JAK2: variants seen among roughly 807,000 people sequenced by gnomAD.
JAK2 encodes the protein tyrosine-protein kinase JAK2.
JAK2 carries 86 observed loss-of-function variants against 139.3 expected under a neutral mutation model. That is an observed-to-expected ratio of 0.62 (90% CI 0.52 to 0.74). JAK2 has a LOEUF of 0.74. Ranked by LOEUF, JAK2 falls within the 30% of genes least tolerant of loss-of-function variation. The pLI, the probability that JAK2 is intolerant of heterozygous loss-of-function variation, is 0.00. For synonymous variants in JAK2, 490 were observed against 437.7 expected, an observed-to-expected ratio of 1.12 and a Z score of -1.49; for missense variants, 1,421 against 1,360.3, an observed-to-expected ratio of 1.04 and a Z score of -0.70.
chr9:5,068,399 T>C (rs1563972632), intron 10 of JAK2, among the ~76,000 whole-genome samples: 1 of 152,088 alleles, frequency 6.6e-6, no homozygotes, highest in Non-Finnish European at 1.5e-5. Flanking sequence ...AATACAATGG[T>C]GGTGCAGTGG....
In JAK2 at chr9:5,096,499, G is replaced by A. The variant is rs183057829; in HGVS notation, c.3059+5588G>A. Reference sequence around the variant, plus strand: ...TTCAATCTACTTCTCCCTCCATGTGGGGGGAGGGTGGTAGGCCGGAGAAGC... The same window carrying A: ...TTCAATCTACTTCTCCCTCCATGTGAGGGGAGGGTGGTAGGCCGGAGAAGC... On this transcript the variant is annotated intron_variant, in intron 22 of 24. Transcript: ENST00000381652. 7.9e-5 allele frequency among the ~76,000 whole-genome samples: 12 copies of A among 152,278 alleles called. No individual in the cohort carries two copies. The East Asian group carries it at 2.1e-3, about 27-fold the overall frequency.
intron 22 of JAK2, chr9:5,111,927 C>T (rs1236206359): frequency 8.6e-6 from 3 of 350,234 alleles, no homozygotes; most frequent in Admixed American, 7.2e-5. Flanking sequence ...AATCTACTCT[C>T]CGGATCACTC....
chr9:5,024,420 T>C (rs576474363), intron 3 of JAK2, among the ~76,000 whole-genome samples: 1 of 152,274 alleles, frequency 6.6e-6, no homozygotes, highest in Non-Finnish European at 1.5e-5. Context: ...TGGCTCTGTG[T>C]TGGGGCTCTC....
At chr9:5,108,001 A>G (rs1008798181) in intron 22 of JAK2, 3 of 152,128 alleles carry the variant, frequency 2.0e-5, no homozygotes, top group Admixed American at 1.3e-4. Flanking sequence ...CTGAATTAAC[A>G]TGACCATCCA....
rs370846284 is a variant in JAK2 at position 5,111,164 on chromosome 9, A to G, written c.3060-11840A>G. The G allele has an allele frequency of 2.8e-5, 21 of 763,464 alleles. No individual in the cohort carries two copies. The African/African-American group carries it at 2.8e-4, about 10-fold the overall frequency. The allele number at this position is 763,464 out of a possible 1,614,324, so 47.3% of individuals were successfully genotyped here. A position where few individuals can be genotyped will look rare whatever the true frequency, so the allele number is the denominator to read the frequency against. ...GAAGGCGCTCAACTTGCTGAGTCGC[A>G]CGGCAGCCACTCTCCATTCACATTC... On this transcript the variant is annotated intron_variant, in intron 22 of 24. Coordinates refer to ENST00000381652, the MANE Select transcript of JAK2 (RefSeq NM_004972.4).
intron 2 of JAK2, among the ~76,000 whole-genome samples, chr9:5,010,968 T>A (rs1263500514): frequency 6.6e-6 from 1 of 152,244 alleles, no homozygotes; most frequent in East Asian, 1.9e-4. Context: ...TCTTCTGGCC[T>A]CCATTACTTC....
chr9:5,092,619 G>T (rs1332502637), intron 22 of JAK2, among the ~76,000 whole-genome samples: 6 of 152,154 alleles, frequency 3.9e-5, no homozygotes, highest in South Asian at 4.1e-4. Context: ...AAAGAACTGA[G>T]CAAAGACAAG....
chr9:5,024,215 CACT>C (rs2130097494), intron 3 of JAK2, among the ~76,000 whole-genome samples: 1 of 152,234 alleles, frequency 6.6e-6, no homozygotes, highest in Admixed American at 6.5e-5. Flanking sequence ...GAGATTGCGC[CACT>C]GCACTCCAGC....
At chr9:5,005,013 C>A (rs552336736) in intron 2 of JAK2, among the ~76,000 whole-genome samples, 1 of 145,802 alleles carries the variant, frequency 6.9e-6, no homozygotes, top group Non-Finnish European at 1.5e-5. Flanking sequence ...ACCTCCCAAG[C>A]GCAAGTGATC....
chr9:5,022,076 A>G lies in JAK2; in HGVS notation c.89A>G (p.Asn30Ser). The G allele has an allele frequency of 5.0e-6, 8 of 1,614,106 alleles. No individual in the cohort carries two copies. The highest frequency in any genetic ancestry group is 2.2e-5 in the South Asian group (2 of 91,080). Residue 30 changes from asparagine (N) to serine (S), a missense_variant, in exon 3 of 25, where the codon AAT (asparagine) becomes AGT (serine). By Grantham distance (46) the Asn-to-Ser change is conservative. Coordinates refer to ENST00000381652, the MANE Select transcript of JAK2 (RefSeq NM_004972.4). ...AATGGTGATATTTCTGGAAATGCCA[A>G]TTCTATGAAGCAAATAGATCCAGTT... ...YQNGDISGNA[N>S]SMKQIDPVLQ...
At chr9:5,013,596 T>C (rs1022825043) in intron 2 of JAK2, among the ~76,000 whole-genome samples, 1 of 152,238 alleles carries the variant, frequency 6.6e-6, no homozygotes, top group Non-Finnish European at 1.5e-5. Flanking sequence ...TACATTCCTC[T>C]TTCCATGTTT....
rs145771456 is a variant in JAK2 at position 5,021,285 on chromosome 9, T to C, written c.-25-678T>C. On this transcript the variant is annotated intron_variant, in intron 2 of 24. Transcript: ENST00000381652. ...ATTATCTACTCGCTATTTTGGTTCT[T>C]CTTTGTGGAGCAGGTGAGTACCAGA... Among the ~76,000 whole-genome samples, 6 of 152,330 alleles carry C rather than the reference T, an allele frequency of 3.9e-5. No individual in the cohort carries two copies. In the East Asian group the frequency reaches 1.2e-3, roughly 29 times the overall value.
intron 20 of JAK2, among the ~76,000 whole-genome samples, 156 bp downstream of exon 20, chr9:5,090,019 CTA>C (rs1238908219): frequency 4.6e-5 from 7 of 152,304 alleles, no homozygotes; most frequent in East Asian, 3.9e-4. Flanking sequence ...TGATCATAGA[CTA>C]TAACTATAGG....
chr9:5,081,890 G>A (rs1333570027), intron 19 of JAK2, 29 bp downstream of exon 19: 3 of 1,566,208 alleles, frequency 1.9e-6, no homozygotes, highest in Non-Finnish European at 2.6e-6. Flanking sequence ...TTCAAATAGA[G>A]TATAATCATT....
At chr9:5,046,640 G>C (rs1419682899) in intron 5 of JAK2, among the ~76,000 whole-genome samples, 3 of 152,130 alleles carry the variant, frequency 2.0e-5, no homozygotes, top group Non-Finnish European at 4.4e-5. Flanking sequence ...AGCACCATTT[G>C]TTGAAAGACT....
chr9:5,125,336 G>A (rs10974969), intron 23 of JAK2, among the ~76,000 whole-genome samples: 37,840 of 150,766 alleles, frequency 0.25, 5,065 homozygotes, highest in South Asian at 0.3. Flanking sequence ...TTACAGCATG[G>A]GTAATTTACT....
intron 5 of JAK2, among the ~76,000 whole-genome samples, chr9:5,044,878 A>T (rs1586695810): frequency 6.6e-6 from 1 of 152,196 alleles, no homozygotes; most frequent in South Asian, 2.1e-4. Context: ...TTTTAAAAAA[A>T]TTTTTGGACA....
chr9:5,066,892 C>A (rs1205711146), intron 10 of JAK2, 103 bp downstream of exon 10: 1 of 466,258 alleles, frequency 2.1e-6, no homozygotes, highest in Non-Finnish European at 3.6e-6. Context: ...AGAATTATAG[C>A]TTTGGATATG....
At chr9:5,106,360 C>T (rs1821953528) in intron 22 of JAK2, among the ~76,000 whole-genome samples, 1 of 152,136 alleles carries the variant, frequency 6.6e-6, no homozygotes, top group South Asian at 2.1e-4. Flanking sequence ...CCATCTCATG[C>T]CAGTTAGAAT....
Sources: gnomAD v4.1 joint callset for allele counts (sites outside exome capture counted in the v4.1 genomes callset) on GRCh38, gnomAD v4.1.1 for gene constraint, MANE v1.5 for transcripts, NCBI Gene and HGNC (gene_info 2026-07-23, HGNC 2026-07-21) for gene names.